CDH18: variants seen among roughly 807,000 people sequenced by gnomAD.
CDH18 encodes cadherin-18.
A neutral mutation model predicts 67.9 loss-of-function variants in CDH18; 31 were observed. The observed-to-expected ratio is 0.46, with a 90% CI of 0.34 to 0.62. The LOEUF (loss-of-function observed/expected upper bound fraction) is 0.62. Ranked by LOEUF, CDH18 falls within the 20% of genes least tolerant of loss-of-function variation. CDH18 has a pLI of 0.01. For missense variants in CDH18, 890 were observed against 975.5 expected, an observed-to-expected ratio of 0.91 and a Z score of 1.17; for synonymous variants, 362 against 347.2, an observed-to-expected ratio of 1.04 and a Z score of -0.48.
At chr5:20,319,307 C>A (rs1247599608) in intron 1 of CDH18, among the ~76,000 whole-genome samples, 1 of 152,030 alleles carries the variant, frequency 6.6e-6, no homozygotes, top group Non-Finnish European at 1.5e-5. Flanking sequence ...AAGTTAAAAC[C>A]AAATTATGAG....
chr5:19,842,213 C>A (rs928588194), intron 2 of CDH18, among the ~76,000 whole-genome samples: 1 of 152,146 alleles, frequency 6.6e-6, no homozygotes, highest in African/African-American at 2.4e-5. Context: ...ATAAACCGAG[C>A]CCTGACTTTC....
chr5:19,489,441 G>GT (rs1221381551), intron 11 of CDH18, among the ~76,000 whole-genome samples: 1 of 151,754 alleles, frequency 6.6e-6, no homozygotes, highest in Non-Finnish European at 1.5e-5. Context: ...TAGAGACAGG[G>GT]TTTCACCATG....
chr5:20,517,183 T>C (rs1300060304), intron 1 of CDH18, among the ~76,000 whole-genome samples: 1 of 151,842 alleles, frequency 6.6e-6, no homozygotes. Flanking sequence ...TATGTATATA[T>C]TTTATTTACT....
intron 2 of CDH18, among the ~76,000 whole-genome samples, chr5:20,198,993 G>A (rs1386058226): frequency 6.6e-6 from 1 of 152,234 alleles, no homozygotes; most frequent in Non-Finnish European, 1.5e-5. Context: ...AGAGGATGCA[G>A]GAAAACACCT....
intron 2 of CDH18, among the ~76,000 whole-genome samples, chr5:20,151,630 C>T (rs73050775): frequency 0.058 from 8,803 of 152,200 alleles, 261 homozygotes; most frequent in East Asian, 0.14. Context: ...CTTTTCTCTG[C>T]AGCCTCTCCA....
intron 5 of CDH18, among the ~76,000 whole-genome samples, chr5:19,680,308 T>G (rs1760106328): frequency 6.6e-6 from 1 of 151,946 alleles, no homozygotes; most frequent in Non-Finnish European, 1.5e-5. Context: ...ATGTAAAACC[T>G]AAAACTTTAA....
At chr5:20,094,208 C>T (rs1332383796) in intron 2 of CDH18, among the ~76,000 whole-genome samples, 3 of 152,130 alleles carry the variant, frequency 2.0e-5, no homozygotes, top group South Asian at 2.1e-4. Context: ...AGTGATGTTC[C>T]TCCTGTCTAG....
intron 2 of CDH18, among the ~76,000 whole-genome samples, chr5:20,107,901 G>T (rs1747105860): frequency 6.7e-6 from 1 of 148,730 alleles, no homozygotes. Flanking sequence ...ATCCCCTAAT[G>T]CTATCCCTCC....
intron 1 of CDH18, among the ~76,000 whole-genome samples, chr5:20,565,770 A>AG (rs1758470617): frequency 6.6e-6 from 1 of 151,068 alleles, no homozygotes; most frequent in South Asian, 2.1e-4. Flanking sequence ...AAAAAAAAAA[A>AG]AGTTCCAGCA....
chr5:20,357,655 T>C (rs1741742171), intron 1 of CDH18, among the ~76,000 whole-genome samples: 1 of 152,006 alleles, frequency 6.6e-6, no homozygotes, highest in Admixed American at 6.6e-5. Context: ...GGTGAAAAAA[T>C]ACCAGATGTT....
chr5:20,038,774 A>G (rs1740130601), intron 2 of CDH18, among the ~76,000 whole-genome samples: 1 of 152,194 alleles, frequency 6.6e-6, no homozygotes, highest in Non-Finnish European at 1.5e-5. Flanking sequence ...TTCCCTGTGA[A>G]AACCAGCACA....
intron 1 of CDH18, among the ~76,000 whole-genome samples, chr5:20,342,662 G>A (rs1580795871): frequency 1.3e-5 from 2 of 152,300 alleles, no homozygotes; most frequent in East Asian, 3.9e-4. Context: ...ATGGCAGAAG[G>A]AACATAGAGT....
At chr5:19,878,220 TGA>T (rs1174590845) in intron 2 of CDH18, 1 of 152,130 alleles carries the variant, frequency 6.6e-6, no homozygotes, top group African/African-American at 2.4e-5. Context: ...CCAATATTTT[TGA>T]GAGAGACAGC....
At position 19,687,150 on chromosome 5, in the gene CDH18, G is replaced by C. The variant is rs145315441; in HGVS notation, c.643+34197C>G. Among the ~76,000 whole-genome samples, 353 of 152,282 alleles carry C rather than the reference G, an allele frequency of 2.3e-3. 3 individuals are homozygous for C. Among genetic ancestry groups the C allele is most frequent in the African/African-American group, 8.0e-3 (332 of 41,580 alleles). On this transcript the variant is annotated intron_variant, in intron 5 of 12. Transcript: ENST00000382275. ...TGTGTGGAGCAGTTCCAGACGTGGA[G>C]AGGTCCTTGATGCCGGCATGCTGTG... is the stretch of plus-strand genomic sequence containing the variant.
intron 5 of CDH18, among the ~76,000 whole-genome samples, chr5:19,698,802 G>T (rs968104681): frequency 2.0e-5 from 3 of 152,068 alleles, no homozygotes; most frequent in African/African-American, 7.2e-5. Flanking sequence ...GAGAGATTGG[G>T]ATAGGTGATT....
intron 1 of CDH18, among the ~76,000 whole-genome samples, chr5:20,255,830 A>T (rs930378265): frequency 6.6e-6 from 1 of 152,044 alleles, no homozygotes; most frequent in Non-Finnish European, 1.5e-5. Flanking sequence ...TTATTTAAAC[A>T]CTTAGTATTA....
chr5:20,061,743 CA>C (rs1292579748), intron 2 of CDH18, among the ~76,000 whole-genome samples: 2 of 152,136 alleles, frequency 1.3e-5, no homozygotes, highest in Non-Finnish European at 2.9e-5. Context: ...ATCCATCTTA[CA>C]AAGTGAAAAA....
At chr5:20,329,226 G>T (rs898621470) in intron 1 of CDH18, among the ~76,000 whole-genome samples, 1 of 152,122 alleles carries the variant, frequency 6.6e-6, no homozygotes, top group African/African-American at 2.4e-5. Context: ...AGTTATATGG[G>T]AGGAACAAAG....
chr5:19,671,718 AC>A (rs1758773037), intron 5 of CDH18, among the ~76,000 whole-genome samples: 2 of 152,282 alleles, frequency 1.3e-5, no homozygotes, highest in South Asian at 4.1e-4. Context: ...GAAAAAGAAA[AC>A]AAATACAATC....
Sources: allele counts gnomAD v4.1 joint callset (sites outside exome capture counted in the v4.1 genomes callset), GRCh38; gene constraint gnomAD v4.1.1; transcripts MANE v1.5; gene names NCBI Gene and HGNC (gene_info 2026-07-23, HGNC 2026-07-21).